The following RFX7 variants were observed in gnomAD, a reference collection of about 807,000 sequenced individuals.
The protein encoded by RFX7 is regulatory factor X7.
Under a neutral mutation model 111.8 loss-of-function variants are expected in RFX7, and 26 were observed. That is an observed-to-expected ratio of 0.23 (90% CI 0.17 to 0.32). The LOEUF is 0.32. Among genes scored for constraint, RFX7 ranks in the 10% least tolerant of loss-of-function variants. The probability of loss-of-function intolerance (pLI) is 1.00; values close to 1 mark genes in which losing one functional copy is unlikely to be tolerated. For missense variants in RFX7, 1,573 were observed against 1,772.9 expected, an observed-to-expected ratio of 0.89 and a Z score of 2.02; for synonymous variants, 624 against 624.4, an observed-to-expected ratio of 1.00 and a Z score of 0.01.
chr15:56,103,662 C>T lies in RFX7; in HGVS notation c.410G>A (p.Cys137Tyr). 1 of 1,585,268 alleles carries T rather than the reference C, an allele frequency of 6.3e-7. No individual in the cohort carries two copies. Among genetic ancestry groups the T allele is most frequent in the Non-Finnish European group, 8.6e-7 (1 of 1,163,112 alleles). Residue 137 changes from cysteine (C) to tyrosine (Y), a missense_variant, in exon 6 of 10, where the codon TGT becomes TAT. Around this residue, in one of 7 missense-constraint regions of RFX7, gnomAD observed 191 missense variants for 194.2 expected, o/e 0.98. Coordinates refer to ENST00000559447, the MANE Select transcript of RFX7 (RefSeq NM_022841.7). ...QEVYDEYKSY[C>Y]DNLGYHPLSA... ...TAATGGATGGTAACCAAGATTGTCA[C>T]AATAGCTCCTGCAAAAGAAGGAAGG...
intron 2 of RFX7, among the ~76,000 whole-genome samples, chr15:56,240,241 T>C (rs2043673797): frequency 6.6e-6 from 1 of 152,092 alleles, no homozygotes; most frequent in Non-Finnish European, 1.5e-5. Context: ...GTGTCAGTGA[T>C]TTGGACCTTT....
At chr15:56,113,614 T>C (rs748291827) in intron 5 of RFX7, among the ~76,000 whole-genome samples, 3 of 151,518 alleles carry the variant, frequency 2.0e-5, no homozygotes, top group Non-Finnish European at 4.4e-5. Context: ...TGTTTACCTA[T>C]GTAACAAACC....
chr15:56,203,239 A>C (rs1265803905), intron 2 of RFX7, among the ~76,000 whole-genome samples: 1 of 152,256 alleles, frequency 6.6e-6, no homozygotes, highest in Non-Finnish European at 1.5e-5. Context: ...CTGCAAAGTT[A>C]GTACAGATTA....
At chr15:56,239,036 G>C (rs1303350330) in intron 2 of RFX7, among the ~76,000 whole-genome samples, 1 of 152,004 alleles carries the variant, frequency 6.6e-6, no homozygotes, top group East Asian at 1.9e-4. Context: ...GTTTCACCGT[G>C]TTGCCCAGGC....
intron 5 of RFX7, among the ~76,000 whole-genome samples, chr15:56,140,201 G>T (rs1193128913): frequency 6.6e-6 from 1 of 152,182 alleles, no homozygotes; most frequent in Non-Finnish European, 1.5e-5. Flanking sequence ...TATGGCGGGC[G>T]CCCCTCCCCC....
At chr15:56,170,821 T>C (rs1490624411) in intron 3 of RFX7, among the ~76,000 whole-genome samples, 1 of 152,154 alleles carries the variant, frequency 6.6e-6, no homozygotes, top group Admixed American at 6.6e-5. Flanking sequence ...GATAATGCTC[T>C]TACAGATTGA....
rs974469794 is a variant in RFX7, at chr15:56,088,750, A to T, written c.*4595T>A. 6.6e-6 allele frequency: 1 copy of T among 152,214 alleles called. No individual in the cohort carries two copies. The highest frequency in any genetic ancestry group is 1.5e-5 in the Non-Finnish European group (1 of 68,034). The allele number at this position is 152,214 out of a possible 1,614,324, so 9.4% of individuals were successfully genotyped here. ...TTCTTATGCTGTAGGAGCTGAGGCAACTTGCATTTGTGATACTCAATAATA... is the reference window on the plus strand; with the variant it reads ...TTCTTATGCTGTAGGAGCTGAGGCATCTTGCATTTGTGATACTCAATAATA... On this transcript the variant is annotated 3_prime_UTR_variant, in exon 10 of 10. Transcript: ENST00000559447.
intron 2 of RFX7, among the ~76,000 whole-genome samples, chr15:56,195,117 A>G (rs1209640969): frequency 6.6e-6 from 1 of 152,154 alleles, no homozygotes; most frequent in Non-Finnish European, 1.5e-5. Context: ...CAATATGGAT[A>G]AACCTTGAAA....
chr15:56,220,732 T>C (rs2043418111), intron 2 of RFX7, among the ~76,000 whole-genome samples: 1 of 152,238 alleles, frequency 6.6e-6, no homozygotes, highest in Non-Finnish European at 1.5e-5. Flanking sequence ...TTTTGGCCTC[T>C]GTCAAATCTT....
intron 2 of RFX7, among the ~76,000 whole-genome samples, chr15:56,185,899 A>G (rs1366965508): frequency 1.3e-5 from 2 of 152,172 alleles, no homozygotes; most frequent in African/African-American, 2.4e-5. Flanking sequence ...TTTTTTAATT[A>G]TGAACTTATC....
rs1359393160 is a variant in RFX7 at position 56,144,424 on chromosome 15, A to G, written c.255T>C (p.Ser85=). ...ACCTTTTCTCTCCATTGCTGAGACC[A>G]GAAGGCAGCTGAAGGTAGAGGTAGA... The part of the protein sequence containing the change: ...EKLYLYLQLP[S]GLSNGEKSDQ... The change falls in exon 4 of 10, where the codon TCT becomes TCC. Residue 85 remains serine, a synonymous_variant. Transcript: ENST00000559447. 1.5e-6 allele frequency: 2 copies of G among 1,365,558 alleles called. No individual in the cohort carries two copies. Among genetic ancestry groups the G allele is most frequent in the East Asian group, 9.1e-5 (2 of 21,980 alleles). 84.6% of individuals were successfully genotyped at this position (1,365,558 alleles called of 1,614,324 possible). A position where few individuals can be genotyped will look rare whatever the true frequency, so the allele number is the denominator to read the frequency against.
intron 3 of RFX7, among the ~76,000 whole-genome samples, chr15:56,172,789 A>G (rs1010609977): frequency 3.9e-5 from 6 of 152,210 alleles, no homozygotes; most frequent in Non-Finnish European, 7.3e-5. Context: ...TGGAAAATAA[A>G]TCACTAAAGA....
At chr15:56,236,258 C>A (rs1159795827) in intron 2 of RFX7, among the ~76,000 whole-genome samples, 1 of 152,082 alleles carries the variant, frequency 6.6e-6, no homozygotes, top group African/African-American at 2.4e-5. Flanking sequence ...AAAGAAAAAT[C>A]ATGTTTTAAG....
At chr15:56,207,493 C>T (rs2043266026) in intron 2 of RFX7, among the ~76,000 whole-genome samples, 1 of 152,058 alleles carries the variant, frequency 6.6e-6, no homozygotes, top group Non-Finnish European at 1.5e-5. Flanking sequence ...CAAGCTAAGC[C>T]TCATACCTTA....
Position 56,090,441 on chromosome 15 carries a change from GT to G in RFX7, c.*2903del, listed in dbSNP as rs2041582605. Reference sequence around the variant, plus strand: ...TGCTCATTTTTATTCACTCCCTAAAGTTAATGACATCAAAGGAAGAATAACA... The same window carrying G: ...TGCTCATTTTTATTCACTCCCTAAAGTAATGACATCAAAGGAAGAATAACA... On this transcript the variant is annotated 3_prime_UTR_variant, in exon 10 of 10. Transcript: ENST00000559447. The G allele has an allele frequency of 6.6e-6, 1 of 152,418 alleles. No individual in the cohort carries two copies. The highest frequency in any genetic ancestry group is 2.1e-4 in the South Asian group (1 of 4,830). The allele number at this position is 152,418 out of a possible 1,614,324, so 9.4% of individuals were successfully genotyped here.
chr15:56,237,903 T>G (rs752455121), intron 2 of RFX7, among the ~76,000 whole-genome samples: 2 of 152,180 alleles, frequency 1.3e-5, no homozygotes, highest in Non-Finnish European at 2.9e-5. Context: ...AAAATGCATC[T>G]TAAGTCTTTT....
chr15:56,110,025 C>T lies in RFX7; in HGVS notation c.402-6355G>A, dbSNP rs1280471382. Among the ~76,000 whole-genome samples the T allele has an allele frequency of 2.8e-3, 372 of 130,762 alleles. 17 individuals are homozygous for T. The highest frequency in any genetic ancestry group is 9.8e-3 in the African/African-American group (337 of 34,510). The allele number at this position is 130,762 out of a possible 152,430, so 85.8% of individuals were successfully genotyped here. A position where few individuals can be genotyped will look rare whatever the true frequency, so the allele number is the denominator to read the frequency against. Reference sequence around the variant, plus strand: ...CCGGGAGGCGAGGGGCGCCTCTGCCCGGCCGCCCCTACTGGAAAATGAGGA... The same window carrying T: ...CCGGGAGGCGAGGGGCGCCTCTGCCTGGCCGCCCCTACTGGAAAATGAGGA... On this transcript the variant is annotated intron_variant, in intron 5 of 9. Coordinates refer to ENST00000559447, the MANE Select transcript of RFX7 (RefSeq NM_022841.7).
chr15:56,110,273 G>A (rs1405278096), intron 5 of RFX7, among the ~76,000 whole-genome samples: 13 of 109,316 alleles, frequency 1.2e-4, no homozygotes, highest in African/African-American at 3.8e-4. Context: ...AGGTGGGGGG[G>A]GGTCAGCCCC....
In RFX7 at chr15:56,095,181, T is replaced by C; in HGVS notation, c.2547A>G (p.Ala849=). 2 of 1,613,992 alleles carry C rather than the reference T, an allele frequency of 1.2e-6. No homozygotes were observed. Among genetic ancestry groups the C allele is most frequent in the African/African-American group, 2.7e-5 (2 of 75,060 alleles). The part of the protein sequence containing the change: ...IQESSLNQIQ[A]HSSDQLPLQS... Reference sequence around the variant, plus strand: ...GCAGAGGTAACTGATCTGAAGAATGTGCTTGTATTTGATTTAAAGAAGATT... The same window carrying C: ...GCAGAGGTAACTGATCTGAAGAATGCGCTTGTATTTGATTTAAAGAAGATT... Residue 849 remains alanine (A), a synonymous_variant, in exon 10 of 10, where the codon GCA becomes GCG. Coordinates refer to ENST00000559447, the MANE Select transcript of RFX7 (RefSeq NM_022841.7).
Sources: gnomAD v4.1 joint callset for allele counts (sites outside exome capture counted in the v4.1 genomes callset) on GRCh38, gnomAD v4.1.1 for gene constraint, gnomAD v4.1.1 regional missense constraint, MANE v1.5 for transcripts, NCBI Gene and HGNC (gene_info 2026-07-23, HGNC 2026-07-21) for gene names.